CLYBL: variants seen among roughly 807,000 people sequenced by gnomAD.
The protein encoded by CLYBL is citramalyl-CoA lyase, mitochondrial.
In CLYBL, 31 loss-of-function variants were observed where a neutral mutation model predicts 38.9. The observed-to-expected ratio is 0.80, with a 90% CI of 0.60 to 1.08. The LOEUF is 1.08. Ranked by LOEUF, CLYBL falls within the 50% of genes least tolerant of loss-of-function variation. The pLI is 0.00. For missense variants in CLYBL, 434 were observed against 411.6 expected (o/e 1.05, Z -0.47); for synonymous variants, 171 against 158.6 (o/e 1.08, Z -0.59).
intron 1 of CLYBL, among the ~76,000 whole-genome samples, chr13:99,722,239 G>A (rs1444524954): frequency 6.6e-6 from 1 of 152,088 alleles, no homozygotes; most frequent in Admixed American, 6.5e-5. Context: ...GTCCTGGCTG[G>A]TGTCTTCTTT....
chr13:99,699,228 A>T (rs2048024576), intron 1 of CLYBL, among the ~76,000 whole-genome samples: 1 of 152,078 alleles, frequency 6.6e-6, no homozygotes. Context: ...TCTATTAAAA[A>T]TACAAAATTA....
At position 99,716,787 on chromosome 13, in the gene CLYBL, C is replaced by CT. The variant is rs1260332084; in HGVS notation, c.63-56016dup. On this transcript the variant is annotated intron_variant, in intron 1 of 8. Transcript: ENST00000339105. ...CTCTTACTTTAATTTCTTTTCTTTT[C>CT]TTTTTTTTTTTTTTTTTTTTTGAGA... is the stretch of plus-strand genomic sequence containing the variant. 8.4e-3 allele frequency among the ~76,000 whole-genome samples: 849 copies of CT among 100,818 alleles called. 14 individuals carry two copies. Among genetic ancestry groups the CT allele is most frequent in the East Asian group, 0.031 (106 of 3,368 alleles). 66.1% of individuals were successfully genotyped at this position (100,818 alleles called of 152,430 possible).
At chr13:99,735,331 C>G (rs913085270) in intron 1 of CLYBL, among the ~76,000 whole-genome samples, 3 of 152,026 alleles carry the variant, frequency 2.0e-5, no homozygotes, top group African/African-American at 4.8e-5. Context: ...GCAGTTAGGA[C>G]CACAGGCGGG....
intron 1 of CLYBL, among the ~76,000 whole-genome samples, chr13:99,717,070 C>T (rs916238479): frequency 6.6e-6 from 1 of 151,884 alleles, no homozygotes; most frequent in African/African-American, 2.4e-5. Flanking sequence ...GGATTACAGG[C>T]GTGAGCCACC....
At chr13:99,714,238 C>G (rs1157128394) in intron 1 of CLYBL, among the ~76,000 whole-genome samples, 1 of 151,992 alleles carries the variant, frequency 6.6e-6, no homozygotes, top group Admixed American at 6.6e-5. Context: ...AGTGCTCTTC[C>G]TGGTTGTTTG....
chr13:99,743,766 G>A lies in CLYBL; in HGVS notation c.63-29058G>A, dbSNP rs1367213084. On this transcript the variant is annotated intron_variant, in intron 1 of 8. Transcript: ENST00000339105. ...TTAGTGGGAATCACAATGGTATTTT[G>A]TAATTTAATTGTAATTACAAAATTG... is the stretch of plus-strand genomic sequence containing the variant. Among the ~76,000 whole-genome samples, 3 of 152,032 alleles carry A rather than the reference G, an allele frequency of 2.0e-5. No individual in the cohort carries two copies. The East Asian group carries it at 5.8e-4, about 29-fold the overall frequency.
At chr13:99,782,308 A>G (rs2049674636) in intron 2 of CLYBL, among the ~76,000 whole-genome samples, 2 of 152,148 alleles carry the variant, frequency 1.3e-5, no homozygotes, top group African/African-American at 4.8e-5. Context: ...GGAGTTTGAG[A>G]TCAGCCTGGC....
chr13:99,773,030 A>G lies in CLYBL; in HGVS notation c.249+20A>G. The G allele has an allele frequency of 5.6e-6, 9 of 1,598,526 alleles. No individual in the cohort carries two copies. Among genetic ancestry groups the G allele is most frequent in the African/African-American group, 1.4e-5 (1 of 73,986 alleles). The stretch of plus-strand genomic sequence containing the variant: ...AAAAAGGTAATGGCATGATTTTAGT[A>G]TGAGAAAAAGAAAGGTATTGAAATT... On this transcript the variant is annotated intron_variant, in intron 2 of 8. Transcript: ENST00000339105.
chr13:99,896,929 T>A (rs1308884551), downstream of CLYBL: 1 of 152,196 alleles, frequency 6.6e-6, no homozygotes, highest in Admixed American at 6.5e-5. Context: ...CCCGACTGGG[T>A]GCCAGAGGGG....
intron 1 of CLYBL, among the ~76,000 whole-genome samples, chr13:99,691,298 G>A (rs2139429629): frequency 6.6e-6 from 1 of 152,178 alleles, no homozygotes; most frequent in South Asian, 2.1e-4. Flanking sequence ...AAGTTATCTA[G>A]AGTTATAAAT....
Position 99,890,868 on chromosome 13 carries a change from T to C in CLYBL, c.928-450T>C, listed in dbSNP as rs188386521. 1.1e-4 allele frequency among the ~76,000 whole-genome samples: 16 copies of C among 152,314 alleles called. No individual in the cohort carries two copies. The South Asian group carries it at 1.7e-3, about 16-fold the overall frequency. ...CTTGCATTTTCTCATAACCTTATCATGTTACCTCTCAATTATGTTACAGCA... is the reference window on the plus strand; with the variant it reads ...CTTGCATTTTCTCATAACCTTATCACGTTACCTCTCAATTATGTTACAGCA... On this transcript the variant is annotated intron_variant, in intron 7 of 8. Coordinates refer to ENST00000339105, the MANE Select transcript of CLYBL (RefSeq NM_206808.5).
At chr13:99,819,240 G>A (rs1176888478) in intron 2 of CLYBL, among the ~76,000 whole-genome samples, 2 of 150,678 alleles carry the variant, frequency 1.3e-5, no homozygotes, top group East Asian at 3.9e-4. Flanking sequence ...AGCTTCTGGG[G>A]AGGCTGAGGC....
rs545451257 is a variant in CLYBL at position 99,635,282 on chromosome 13, A to G, written c.62+28525A>G. ...CTCAAATCTGCCGCCTTTCTCTGTC[A>G]TGATTTTTATAATCTGCACCACGCC... On this transcript the variant is annotated intron_variant, in intron 1 of 8. Transcript: ENST00000339105. 2.6e-5 allele frequency among the ~76,000 whole-genome samples: 4 copies of G among 152,166 alleles called. No homozygotes were observed. In the South Asian group the frequency reaches 8.3e-4, roughly 32 times the overall value.
intron 2 of CLYBL, among the ~76,000 whole-genome samples, chr13:99,829,853 G>A (rs993032980): frequency 4.6e-5 from 7 of 152,278 alleles, no homozygotes; most frequent in South Asian, 2.1e-4. Flanking sequence ...TATAAGCTCC[G>A]TGAGAGCGGA....
chr13:99,871,371 T>A (rs1311731089), intron 7 of CLYBL, among the ~76,000 whole-genome samples: 5 of 152,186 alleles, frequency 3.3e-5, no homozygotes, highest in Non-Finnish European at 5.9e-5. Flanking sequence ...AGCATTCATA[T>A]GAAAATAATC....
At chr13:99,812,390 A>T (rs554507367) in intron 2 of CLYBL, among the ~76,000 whole-genome samples, 1 of 152,348 alleles carries the variant, frequency 6.6e-6, no homozygotes, top group South Asian at 2.1e-4. Flanking sequence ...ACAGAATTAC[A>T]TAATTCCCTT....
intron 1 of CLYBL, among the ~76,000 whole-genome samples, chr13:99,658,523 C>T (rs1344695494): frequency 6.6e-6 from 1 of 152,196 alleles, no homozygotes; most frequent in East Asian, 1.9e-4. Context: ...CCACGCCGGC[C>T]TCCCCTCCTT....
chr13:99,623,851 C>T (rs1439533322), intron 1 of CLYBL, among the ~76,000 whole-genome samples: 1 of 150,276 alleles, frequency 6.7e-6, no homozygotes, highest in African/African-American at 2.5e-5. Flanking sequence ...CCCAGCTACT[C>T]GGGAGGCTGA....
At chr13:99,682,804 T>C (rs1300409535) in intron 1 of CLYBL, among the ~76,000 whole-genome samples, 1 of 152,110 alleles carries the variant, frequency 6.6e-6, no homozygotes, top group Non-Finnish European at 1.5e-5. Context: ...TGGCGTGATC[T>C]TGGCTCACTG....
Sources: gnomAD v4.1 joint callset for allele counts (sites outside exome capture counted in the v4.1 genomes callset) on GRCh38, gnomAD v4.1.1 for gene constraint, MANE v1.5 for transcripts, NCBI Gene and HGNC (gene_info 2026-07-23, HGNC 2026-07-21) for gene names.